DIAPH2: variants seen among roughly 807,000 people sequenced by gnomAD.
DIAPH2 encodes the protein diaphanous related formin 2.
DIAPH2 carries 35 observed loss-of-function variants against 92.7 expected under a neutral mutation model. The ratio of observed to expected loss-of-function variants is 0.38; its 90% CI spans 0.29 to 0.50. DIAPH2 has a LOEUF of 0.50. DIAPH2 is among the 20% of genes least tolerant of loss of function. The pLI, the probability that DIAPH2 is intolerant of heterozygous loss-of-function variation, is 0.94. For synonymous variants in DIAPH2, 301 were observed against 280.4 expected (o/e 1.07, Z -0.73); for missense variants, 701 against 819.5 (o/e 0.86, Z 1.77).
intron 15 of DIAPH2, among the ~76,000 whole-genome samples, chrX:96,952,218 C>T (rs1416045477): frequency 9.0e-6 from 1 of 111,160 alleles, no homozygotes; most frequent in East Asian, 2.8e-4. Flanking sequence ...GAGAAAATTG[C>T]ATTCCAGGAG....
intron 22 of DIAPH2, among the ~76,000 whole-genome samples, chrX:97,144,352 C>T (rs1354755004): frequency 9.0e-6 from 1 of 110,919 alleles, no homozygotes; most frequent in Non-Finnish European, 1.9e-5. Context: ...AGAAATAATA[C>T]GTCCTAATGT....
chrX:96,697,502 C>T (rs1424085305), intron 1 of DIAPH2, among the ~76,000 whole-genome samples: 1 of 109,220 alleles, frequency 9.2e-6, no homozygotes. Flanking sequence ...AAAAATTAGC[C>T]AGGCATGGTG....
chrX:97,276,143 G>A (rs1478354770), intron 23 of DIAPH2, among the ~76,000 whole-genome samples: 4 of 110,455 alleles, frequency 3.6e-5, no homozygotes, highest in Non-Finnish European at 7.6e-5. Flanking sequence ...CAGGCGTGGC[G>A]GCGCGTGCCT....
chrX:97,142,695 A>G (rs2067216220), intron 22 of DIAPH2, among the ~76,000 whole-genome samples: 1 of 111,978 alleles, frequency 8.9e-6, no homozygotes. Context: ...AAGATTAAGG[A>G]AACATTTGCT....
At position 97,085,206 on chromosome X, in the gene DIAPH2, T is replaced by C. The variant is rs1206513476; in HGVS notation, c.2247+9945T>C. On this transcript the variant is annotated intron_variant, in intron 19 of 26. Coordinates refer to ENST00000324765, the MANE Select transcript of DIAPH2 (RefSeq NM_006729.5). Reference sequence around the variant, plus strand: ...TTAGAATATATGAGAATATTTGAAATCATAGCTATATAAAATTATCAATAT... The same window carrying C: ...TTAGAATATATGAGAATATTTGAAACCATAGCTATATAAAATTATCAATAT... Among the ~76,000 whole-genome samples the C allele has an allele frequency of 5.4e-5, 6 of 111,903 alleles. 1 individual carries two copies. Among genetic ancestry groups the C allele is most frequent in the African/African-American group, 1.9e-4 (6 of 30,799 alleles).
chrX:97,349,038 A>G (rs1401736692), intron 24 of DIAPH2, among the ~76,000 whole-genome samples: 1 of 105,998 alleles, frequency 9.4e-6, no homozygotes. Flanking sequence ...ATATGTGTGT[A>G]TATATATGTG....
Position 97,570,123 on chromosome X carries a change from TTAGA to T in DIAPH2, c.3242-29129_3242-29126del, listed in dbSNP as rs1255622976. ...ATATATATATATATATATATATATATTAGAAGATAGATAGATAGATAGATAGATA... is the reference window on the plus strand; with the variant it reads ...ATATATATATATATATATATATATATAGATAGATAGATAGATAGATAGATA... On this transcript the variant is annotated intron_variant, in intron 26 of 26. Coordinates refer to ENST00000324765, the MANE Select transcript of DIAPH2 (RefSeq NM_006729.5). Among the ~76,000 whole-genome samples the T allele has an allele frequency of 3.3e-3, 61 of 18,501 alleles. 1 individual carries two copies. The highest frequency in any genetic ancestry group is 9.4e-3 in the African/African-American group (57 of 6,050). 16.1% of individuals were successfully genotyped at this position (18,501 alleles called of 115,157 possible).
At chrX:96,897,703 T>G (rs905409057) in intron 5 of DIAPH2, among the ~76,000 whole-genome samples, 9 of 110,236 alleles carry the variant, frequency 8.2e-5, no homozygotes, top group African/African-American at 3.0e-4. Context: ...TAAAAAAAAT[T>G]TTTTTTCAAT....
At chrX:96,857,195 A>G (rs2065046182) in intron 4 of DIAPH2, among the ~76,000 whole-genome samples, 1 of 111,793 alleles carries the variant, frequency 8.9e-6, no homozygotes, top group Non-Finnish European at 1.9e-5. Flanking sequence ...TTTGGAAAAT[A>G]CCTGCTATAG....
intron 25 of DIAPH2, among the ~76,000 whole-genome samples, chrX:97,400,629 T>C (rs2069746959): frequency 9.0e-6 from 1 of 111,555 alleles, no homozygotes; most frequent in South Asian, 3.8e-4. Flanking sequence ...CCAGAACTTA[T>C]TCATCCTGTC....
At chrX:96,878,312 A>T (rs1429118875) in intron 4 of DIAPH2, among the ~76,000 whole-genome samples, 2 of 111,752 alleles carry the variant, frequency 1.8e-5, no homozygotes, top group Non-Finnish European at 3.8e-5. Flanking sequence ...GACAGGAGCT[A>T]TCCAAGGACC....
intron 25 of DIAPH2, among the ~76,000 whole-genome samples, chrX:97,385,964 G>A (rs748323868): frequency 1.8e-5 from 2 of 111,904 alleles, no homozygotes; most frequent in Non-Finnish European, 3.8e-5. Context: ...TGTGTAACCA[G>A]AGTTAATTAT....
chrX:97,049,488 A>G (rs772781592), intron 17 of DIAPH2, among the ~76,000 whole-genome samples: 3 of 111,311 alleles, frequency 2.7e-5, no homozygotes. Flanking sequence ...GAAGAAAACA[A>G]TTCTTGATAT....
Position 96,685,026 on chromosome X carries a change from GT to G in DIAPH2, c.-31del. 1 of 974,706 alleles carries G rather than the reference GT, an allele frequency of 1.0e-6. No individual in the cohort carries two copies. The highest frequency in any genetic ancestry group is 1.3e-6 in the Non-Finnish European group (1 of 771,644). 80.3% of individuals were successfully genotyped at this position (974,706 alleles called of 1,213,427 possible). A position where few individuals can be genotyped will look rare whatever the true frequency, so the allele number is the denominator to read the frequency against. ...GCTTTCTCAGTTGAGGAGAGGTGGGGTTACAGGGCACAGGTGACAGGGCCGG... is the reference window on the plus strand; with the variant it reads ...GCTTTCTCAGTTGAGGAGAGGTGGGGTACAGGGCACAGGTGACAGGGCCGG... On this transcript the variant is annotated 5_prime_UTR_variant, in exon 1 of 27. Transcript: ENST00000324765.
chrX:97,347,232 G>C (rs1286859490), intron 23 of DIAPH2, among the ~76,000 whole-genome samples: 1 of 107,779 alleles, frequency 9.3e-6, no homozygotes, highest in Non-Finnish European at 1.9e-5. Context: ...GGGAGTACAG[G>C]CGCGTGTCAC....
At chrX:96,948,599 A>T (rs1330057885) in intron 14 of DIAPH2, among the ~76,000 whole-genome samples, 1 of 112,127 alleles carries the variant, frequency 8.9e-6, no homozygotes, top group Admixed American at 9.4e-5. Flanking sequence ...AAATATTTTT[A>T]AAATTATTAA....
intron 22 of DIAPH2, among the ~76,000 whole-genome samples, chrX:97,238,819 C>T (rs1430216280): frequency 9.0e-6 from 1 of 111,635 alleles, no homozygotes; most frequent in African/African-American, 3.2e-5. Flanking sequence ...GTTCAGGATG[C>T]TTGTAATGTT....
At chrX:97,004,630 C>T (rs1256576918) in intron 17 of DIAPH2, among the ~76,000 whole-genome samples, 1 of 111,264 alleles carries the variant, frequency 9.0e-6, no homozygotes, top group Admixed American at 9.6e-5. Context: ...ATAGAAATGC[C>T]TCTGATTTTT....
chrX:96,978,598 T>G (rs1447744290), intron 17 of DIAPH2, among the ~76,000 whole-genome samples: 1 of 110,685 alleles, frequency 9.0e-6, no homozygotes, highest in Non-Finnish European at 1.9e-5. Flanking sequence ...GTATGACTAT[T>G]ATGTTGAAAG....
Sources: gnomAD v4.1 joint callset for allele counts (sites outside exome capture counted in the v4.1 genomes callset) on GRCh38, gnomAD v4.1.1 for gene constraint, MANE v1.5 for transcripts, NCBI Gene and HGNC (gene_info 2026-07-23, HGNC 2026-07-21) for gene names.